Variants in CASQ2 observed in about 807,000 individuals in gnomAD.
CASQ2 encodes the protein calsequestrin-2.
In CASQ2, 49 loss-of-function variants were observed where a neutral mutation model predicts 46.5. The ratio of observed to expected loss-of-function variants is 1.05; its 90% CI spans 0.84 to 1.34. The LOEUF is 1.34. Among genes scored for constraint, CASQ2 ranks in the 40% most tolerant of loss-of-function variants. The pLI, the probability that CASQ2 is intolerant of heterozygous loss-of-function variation, is 0.00. For missense variants in CASQ2, 486 were observed against 481.3 expected, an observed-to-expected ratio of 1.01 and a Z score of -0.09; for synonymous variants, 174 against 168.5, an observed-to-expected ratio of 1.03 and a Z score of -0.25.
intron 1 of CASQ2, among the ~76,000 whole-genome samples, chr1:115,747,516 T>A (rs898927878): frequency 6.6e-6 from 1 of 152,250 alleles, no homozygotes. Context: ...CAAAAAAAAA[T>A]ATTACTAGAA....
intron 8 of CASQ2, among the ~76,000 whole-genome samples, chr1:115,707,436 A>G (rs1416616929): frequency 1.3e-5 from 2 of 152,174 alleles, no homozygotes; most frequent in African/African-American, 4.8e-5. Flanking sequence ...TATGACAAAC[A>G]CCGGAGACTG....
At chr1:115,736,147 G>A (rs1293320302) in intron 4 of CASQ2, among the ~76,000 whole-genome samples, 1 of 143,364 alleles carries the variant, frequency 7.0e-6, no homozygotes, top group African/African-American at 2.6e-5. Context: ...TGGGCAACAC[G>A]AGTGAAACTC....
rs28730709 is a variant in CASQ2, at chr1:115,701,098, C to T, written c.*143G>A. 3,013 of 1,282,318 alleles carry T rather than the reference C, an allele frequency of 2.3e-3. 88 individuals are homozygous for T. The East Asian group carries it at 0.061, about 26-fold the overall frequency. 79.4% of individuals were successfully genotyped at this position (1,282,318 alleles called of 1,614,324 possible). ...ATTTGCTGAATGATGCTGCTCCTGA[C>T]GCAAAGGGAGTGGGAAAAGAGATGA... is the stretch of plus-strand genomic sequence containing the variant. On this transcript the variant is annotated 3_prime_UTR_variant, in exon 11 of 11. Coordinates refer to ENST00000261448, the MANE Select transcript of CASQ2 (RefSeq NM_001232.4).
At chr1:115,703,897 G>A (rs1305252451) in intron 9 of CASQ2, among the ~76,000 whole-genome samples, 11 of 143,466 alleles carry the variant, frequency 7.7e-5, no homozygotes, top group Non-Finnish European at 1.5e-5. Context: ...GGGTGACACA[G>A]TGAGACCCTG....
chr1:115,711,484 G>A (rs977705721), intron 8 of CASQ2, among the ~76,000 whole-genome samples: 2 of 152,138 alleles, frequency 1.3e-5, no homozygotes, highest in Non-Finnish European at 2.9e-5. Flanking sequence ...ATCAGCATGT[G>A]GGTTGGGCAA....
At position 115,705,322 on chromosome 1, in the gene CASQ2, C is replaced by G. The variant is rs774230207; in HGVS notation, c.839-30G>C. ...AACAGGATTCAAGAGAGTTGAGTAA[C>G]CCCTGCACATACACAGCTTCTAATG... On this transcript the variant is annotated intron_variant, in intron 8 of 10. Transcript: ENST00000261448. The G allele has an allele frequency of 2.9e-6, 4 of 1,389,668 alleles. 1 individual carries two copies. The South Asian group carries it at 3.5e-5, about 12-fold the overall frequency. 86.1% of individuals were successfully genotyped at this position (1,389,668 alleles called of 1,614,324 possible).
chr1:115,754,155 T>C (rs1164371521), intron 1 of CASQ2, among the ~76,000 whole-genome samples: 2 of 152,166 alleles, frequency 1.3e-5, no homozygotes, highest in Non-Finnish European at 2.9e-5. Flanking sequence ...GCCCTCAAAG[T>C]AGGCCTGAGC....
At chr1:115,738,841 T>C (rs1369020546) in intron 3 of CASQ2, among the ~76,000 whole-genome samples, 2 of 152,044 alleles carry the variant, frequency 1.3e-5, no homozygotes, top group Non-Finnish European at 2.9e-5. Context: ...TCCTGTCTAA[T>C]TGAGGCTTTG....
At chr1:115,723,293 A>ATATCTCTCTATTTATC (rs1647452956) in intron 7 of CASQ2, among the ~76,000 whole-genome samples, 1 of 74,406 alleles carries the variant, frequency 1.3e-5, no homozygotes, top group South Asian at 5.3e-4. Flanking sequence ...ATATCTCTCT[A>ATATCTCTCTATTTATC]TATCTATCTA....
intron 7 of CASQ2, among the ~76,000 whole-genome samples, chr1:115,720,986 C>T (rs1230597960): frequency 2.6e-5 from 4 of 152,130 alleles, no homozygotes; most frequent in African/African-American, 9.7e-5. Flanking sequence ...ACATATATTA[C>T]CACTTAATAT....
At chr1:115,703,091 G>T in intron 9 of CASQ2, 96 bp from the exon 10 acceptor site, 1 of 934,642 alleles carries the variant, frequency 1.1e-6, no homozygotes, top group Non-Finnish European at 1.7e-6. Context: ...GGTCACCATT[G>T]GTTAAAGGTC....
At chr1:115,749,807 A>T (rs893331007) in intron 1 of CASQ2, among the ~76,000 whole-genome samples, 1 of 151,872 alleles carries the variant, frequency 6.6e-6, no homozygotes, top group Non-Finnish European at 1.5e-5. Context: ...TGCAGCTCAC[A>T]TGTTCCCTTC....
intron 1 of CASQ2, among the ~76,000 whole-genome samples, chr1:115,761,438 GA>G (rs369276512): frequency 0.74 from 7,091 of 9,556 alleles, 3,059 homozygotes; most frequent in Middle Eastern, 0.77. Flanking sequence ...AGAAGAAGAA[GA>G]AAGAAGAAGA....
Position 115,701,320 on chromosome 1 carries a change from T to C in CASQ2, c.1121A>G (p.Asp374Gly), listed in dbSNP as rs886045158. 1.1e-5 allele frequency: 17 copies of C among 1,607,550 alleles called. No individual in the cohort carries two copies. The Admixed American group carries it at 2.8e-4, about 27-fold the overall frequency. The change falls in exon 11 of 11, where the codon GAT (aspartate) becomes GGT (glycine). Residue 374 changes from aspartate to glycine, a missense_variant. Transcript: ENST00000261448. Reference protein sequence around the residue: ...DVLSGKINTEDDDEDDDDDDN... With the variant: ...DVLSGKINTEGDDEDDDDDDN... ...ATCATCATCATCATCTTCATCATCATCTTCAGTGTTTATCTTTCCAGAAAG... is the reference window on the plus strand; with the variant it reads ...ATCATCATCATCATCTTCATCATCACCTTCAGTGTTTATCTTTCCAGAAAG...
intron 8 of CASQ2, among the ~76,000 whole-genome samples, chr1:115,709,348 A>T (rs1264307137): frequency 1.3e-5 from 2 of 152,256 alleles, no homozygotes; most frequent in Admixed American, 1.3e-4. Flanking sequence ...GGACTAGTCC[A>T]CTGTTAAAAT....
At chr1:115,729,579 T>C (rs955841081) in intron 5 of CASQ2, among the ~76,000 whole-genome samples, 13 of 152,236 alleles carry the variant, frequency 8.5e-5, no homozygotes, top group African/African-American at 1.2e-4. Flanking sequence ...TTCATGCTTT[T>C]ATCTGTTAAC....
chr1:115,765,501 G>A (rs1026839536), intron 1 of CASQ2, among the ~76,000 whole-genome samples: 1 of 152,152 alleles, frequency 6.6e-6, no homozygotes, highest in Non-Finnish European at 1.5e-5. Context: ...GTTTCAGCCT[G>A]GGGATGGCAA....
At chr1:115,761,876 C>T (rs10923408) in intron 1 of CASQ2, among the ~76,000 whole-genome samples, 7,225 of 152,244 alleles carry the variant, frequency 0.047, 601 homozygotes, top group African/African-American at 0.16. Flanking sequence ...TGGAAAGTAA[C>T]CTATGTTTCA....
chr1:115,714,119 G>A (rs1358271503), intron 8 of CASQ2, among the ~76,000 whole-genome samples: 1 of 152,188 alleles, frequency 6.6e-6, no homozygotes, highest in African/African-American at 2.4e-5. Context: ...TGGGAAGCCA[G>A]ACATCCTCAG....
Sources: allele counts gnomAD v4.1 joint callset (sites outside exome capture counted in the v4.1 genomes callset), GRCh38; gene constraint gnomAD v4.1.1; transcripts MANE v1.5; gene names NCBI Gene and HGNC (gene_info 2026-07-23, HGNC 2026-07-21).